CREB3L3: variants seen among roughly 807,000 people sequenced by gnomAD.
CREB3L3 encodes cyclic AMP-responsive element-binding protein 3-like protein 3.
In CREB3L3, 40 loss-of-function variants were observed where a neutral mutation model predicts 44.6. That is an observed-to-expected ratio of 0.90 (90% CI 0.70 to 1.17). The LOEUF is 1.17. Among genes scored for constraint, CREB3L3 ranks in the 50% most tolerant of loss-of-function variants. The probability of loss-of-function intolerance (pLI) is 0.00; values close to 1 mark genes in which losing one functional copy is unlikely to be tolerated. For missense variants in CREB3L3, 578 were observed against 595.8 expected (o/e 0.97, Z 0.31); for synonymous variants, 273 against 256.3 (o/e 1.06, Z -0.62).
intron 4 of CREB3L3, among the ~76,000 whole-genome samples, chr19:4,160,433 G>A (rs538134517): frequency 1.9e-4 from 29 of 151,684 alleles, no homozygotes; most frequent in African/African-American, 5.6e-4. Flanking sequence ...GTGCAGTGGC[G>A]CAATCCTAGC....
chr19:4,159,795 A>G lies in CREB3L3; in HGVS notation c.576+13A>G. 3.5e-6 allele frequency: 4 copies of G among 1,131,466 alleles called. No individual in the cohort carries two copies. Among genetic ancestry groups the G allele is most frequent in the Non-Finnish European group, 5.4e-6 (4 of 739,294 alleles). The allele number at this position is 1,131,466 out of a possible 1,614,324, so 70.1% of individuals were successfully genotyped here. ...CAGTGGGGACCTGGTGAGCACCCCC[A>G]CACCCTCCCATGGGGCGTTGGAGCT... On this transcript the variant is annotated intron_variant, in intron 4 of 9. Coordinates refer to ENST00000078445, the MANE Select transcript of CREB3L3 (RefSeq NM_032607.3).
chr19:4,164,354 T>C, intron 4 of CREB3L3, 149 bp from the exon 5 acceptor site: 4 of 902,744 alleles, frequency 4.4e-6, no homozygotes, highest in Non-Finnish European at 7.2e-6. Context: ...GTGATCCACA[T>C]GCCTCAGCCT....
At chr19:4,163,350 AAG>A (rs1491279821) in intron 4 of CREB3L3, among the ~76,000 whole-genome samples, 1 of 145,272 alleles carries the variant, frequency 6.9e-6, no homozygotes, top group African/African-American at 2.8e-5. Flanking sequence ...GAAAGAAAGA[AAG>A]AAGGAAGGAA....
intron 4 of CREB3L3, among the ~76,000 whole-genome samples, chr19:4,161,222 A>G (rs531457141): frequency 3.3e-5 from 5 of 152,184 alleles, no homozygotes. Context: ...TCGGCCTCCC[A>G]AAGTGCTGGG....
intron 3 of CREB3L3, among the ~76,000 whole-genome samples, chr19:4,158,718 T>C (rs1482923343): frequency 1.3e-5 from 2 of 151,650 alleles, no homozygotes; most frequent in East Asian, 3.9e-4. Context: ...GGAGAATCTC[T>C]TGAACCTGGG....
At chr19:4,161,805 G>A (rs1288616938) in intron 4 of CREB3L3, among the ~76,000 whole-genome samples, 1 of 152,202 alleles carries the variant, frequency 6.6e-6, no homozygotes, top group Non-Finnish European at 1.5e-5. Flanking sequence ...AGCACCAGCT[G>A]TGTGCTCAGC....
chr19:4,155,838 C>T (rs994779437), intron 2 of CREB3L3, among the ~76,000 whole-genome samples: 2 of 150,438 alleles, frequency 1.3e-5, no homozygotes, highest in Non-Finnish European at 2.9e-5. Flanking sequence ...ACCTCCGCAT[C>T]CCAGGTTCAA....
Position 4,171,809 on chromosome 19 carries a change from C to A in CREB3L3, c.1226C>A (p.Ala409Glu), listed in dbSNP as rs148141076. The A allele has an allele frequency of 1.2e-6, 2 of 1,613,532 alleles. No homozygotes were observed. Among genetic ancestry groups the A allele is most frequent in the South Asian group, 1.1e-5 (1 of 91,092 alleles). The change falls in exon 10 of 10, where the codon GCG (alanine) becomes GAG (glutamate). Residue 409 changes from alanine (A) to glutamate (E), a missense_variant. Ala to Glu is a moderately radical substitution (Grantham distance 107). Coordinates refer to ENST00000078445, the MANE Select transcript of CREB3L3 (RefSeq NM_032607.3). This position sits in a 1 kb window ranked among gnomAD's most constrained non-coding sequence, Gnocchi z 4.9. ...PGADWGFQDT[A>E]NLTNSTEELD... The stretch of plus-strand genomic sequence containing the variant: ...GCAGACTGGGGCTTCCAGGACACCG[C>A]GAACCTGACCAATTCGACGGAGGAG...
Position 4,164,630 on chromosome 19 carries a change from C to T in CREB3L3, c.704C>T (p.Pro235Leu), listed in dbSNP as rs779860332. 1.2e-6 allele frequency: 2 copies of T among 1,614,046 alleles called. No homozygotes were observed. The highest frequency in any genetic ancestry group is 1.7e-5 in the Admixed American group (1 of 60,000). Residue 235 changes from proline to leucine, a missense_variant, in exon 5 of 10, where the codon CCC becomes CTC. Pro to Leu is a moderately conservative substitution (Grantham distance 98). Transcript: ENST00000078445. ...GGCATCACCCTGCCCACTCAGCTGC[C>T]CCTCACTAAGGTGAGTCTGGGGGGA... ...KEGITLPTQLPLTKYEERVLK... is the reference protein window; with the variant it reads ...KEGITLPTQLLLTKYEERVLK...
At chr19:4,161,511 G>A (rs779744100) in intron 4 of CREB3L3, among the ~76,000 whole-genome samples, 6 of 152,134 alleles carry the variant, frequency 3.9e-5, no homozygotes, top group Non-Finnish European at 7.3e-5. Flanking sequence ...CTTGATCCCT[G>A]GGATGGTCTA....
intron 5 of CREB3L3, among the ~76,000 whole-genome samples, chr19:4,166,087 GTTTTTTTT>G (rs5826835): frequency 7.1e-5 from 10 of 140,902 alleles, no homozygotes; most frequent in African/African-American, 2.6e-4. Context: ...ATTCTCATCT[GTTTTTTTT>G]TTTTTTCTAT....
chr19:4,169,851 G>A (rs1010967463), intron 6 of CREB3L3, among the ~76,000 whole-genome samples: 3 of 151,914 alleles, frequency 2.0e-5, no homozygotes, highest in Non-Finnish European at 2.9e-5. Flanking sequence ...CGCCCACCAC[G>A]GCCTCCCAAA....
chr19:4,167,303 A>T (rs531696371), intron 5 of CREB3L3, among the ~76,000 whole-genome samples: 3 of 150,608 alleles, frequency 2.0e-5, no homozygotes, highest in Non-Finnish European at 4.4e-5. Context: ...AGATCTTGCC[A>T]CTGCACTCCA....
intron 4 of CREB3L3, among the ~76,000 whole-genome samples, chr19:4,160,810 T>C (rs350867): frequency 0.64 from 94,303 of 146,584 alleles, 30,615 homozygotes; most frequent in East Asian, 0.9. Flanking sequence ...CTCGGCTCAC[T>C]GCAAGCTCCG....
At position 4,171,622 on chromosome 19, in the gene CREB3L3, C is replaced by T; in HGVS notation, c.1073-34C>T. ...AGGGAGCATAGGACCCCACCTCCAC[C>T]TTGTCCCCTGTGATGCCCCCCTTCC... On this transcript the variant is annotated intron_variant, in intron 9 of 9. Transcript: ENST00000078445. The surrounding 1 kb of genome is among the most constrained non-coding windows in gnomAD (Gnocchi z 4.9). The T allele has an allele frequency of 6.2e-7, 1 of 1,611,586 alleles. No individual in the cohort carries two copies. Among genetic ancestry groups the T allele is most frequent in the Non-Finnish European group, 8.5e-7 (1 of 1,178,198 alleles).
chr19:4,167,169 C>G (rs778661427), intron 5 of CREB3L3, among the ~76,000 whole-genome samples: 4 of 151,904 alleles, frequency 2.6e-5, no homozygotes, highest in Non-Finnish European at 4.4e-5. Context: ...ATGGTGAAAC[C>G]CTGTCTCTAC....
intron 2 of CREB3L3, 98 bp from the exon 3 acceptor site, chr19:4,156,896 TA>T: frequency 7.8e-7 from 1 of 1,282,172 alleles, no homozygotes; most frequent in Non-Finnish European, 1.1e-6. Flanking sequence ...GAAGGACACC[TA>T]AGGCCCAAAG....
intron 1 of CREB3L3, 125 bp from the exon 2 acceptor site, chr19:4,154,774 C>A: frequency 7.1e-7 from 1 of 1,411,796 alleles, no homozygotes; most frequent in Non-Finnish European, 9.9e-7. Context: ...GGGGCAGCAG[C>A]TGGCCCAACC....
chr19:4,159,858 C>T lies in CREB3L3; in HGVS notation c.576+76C>T, dbSNP rs1042129424. ...CGGGTTCGAGGAGCCTAAATATCCC[C>T]GTTTCAGAGACTGGAAAACTGAGTC... On this transcript the variant is annotated intron_variant, in intron 4 of 9. Transcript: ENST00000078445. 6.9e-5 allele frequency: 54 copies of T among 778,256 alleles called. No homozygotes were observed. The Middle Eastern group carries it at 9.9e-4, about 14-fold the overall frequency. 48.2% of individuals were successfully genotyped at this position (778,256 alleles called of 1,614,324 possible).
Sources: gnomAD v4.1 joint callset for allele counts (sites outside exome capture counted in the v4.1 genomes callset) on GRCh38, gnomAD v4.1.1 for gene constraint, Gnocchi (gnomAD v3.1) non-coding constraint, MANE v1.5 for transcripts, NCBI Gene and HGNC (gene_info 2026-07-23, HGNC 2026-07-21) for gene names.